Variants in PUM2 observed in about 807,000 individuals in gnomAD.
PUM2 encodes pumilio homolog 2.
Under a neutral mutation model 124.5 loss-of-function variants are expected in PUM2, and 57 were observed. The ratio of observed to expected loss-of-function variants is 0.46; its 90% CI spans 0.37 to 0.57. The LOEUF (loss-of-function observed/expected upper bound fraction) is 0.57. PUM2 is among the 20% of genes least tolerant of loss of function. The pLI, the probability that PUM2 is intolerant of heterozygous loss-of-function variation, is 0.00. For synonymous variants in PUM2, 460 were observed against 446.1 expected, an observed-to-expected ratio of 1.03 and a Z score of -0.39; for missense variants, 1,065 against 1,290.6, an observed-to-expected ratio of 0.83 and a Z score of 2.68.
At chr2:20,350,385 G>GCCC (rs1689098201) in intron 1 of PUM2, 1 of 790,766 alleles carries the variant, frequency 1.3e-6, no homozygotes, top group Non-Finnish European at 1.5e-6. Flanking sequence ...CCGGCGCGGC[G>GCCC]CCCCCTCCCC....
intron 9 of PUM2, among the ~76,000 whole-genome samples, chr2:20,293,711 A>G (rs1674792581): frequency 6.6e-6 from 1 of 152,068 alleles, no homozygotes; most frequent in Non-Finnish European, 1.5e-5. Flanking sequence ...GCTAAAAATA[A>G]AAATAAAATA....
intron 19 of PUM2, 39 bp downstream of exon 19, chr2:20,254,824 G>A: frequency 6.3e-7 from 1 of 1,591,812 alleles, no homozygotes; most frequent in Non-Finnish European, 8.6e-7. Context: ...TCAATGAGTT[G>A]AAAGAATTGA....
chr2:20,345,109 G>A (rs1402144305), intron 1 of PUM2, among the ~76,000 whole-genome samples: 3 of 144,668 alleles, frequency 2.1e-5, no homozygotes, highest in East Asian at 2.0e-4. Context: ...TTTTTGCGGC[G>A]GGGCCGGGGA....
intron 1 of PUM2, among the ~76,000 whole-genome samples, chr2:20,346,824 T>C (rs1264266592): frequency 1.3e-5 from 2 of 152,220 alleles, no homozygotes; most frequent in East Asian, 1.9e-4. Context: ...TACAATTTCA[T>C]AGCCAATTGT....
chr2:20,271,907 C>T lies in PUM2; in HGVS notation c.1957+6676G>A, dbSNP rs145805700. 2.1e-3 allele frequency among the ~76,000 whole-genome samples: 318 copies of T among 152,200 alleles called. 1 individual carries two copies. The highest frequency in any genetic ancestry group is 7.3e-3 in the African/African-American group (303 of 41,502). On this transcript the variant is annotated intron_variant, in intron 13 of 20. Transcript: ENST00000361078. ...GGCATGGTGGCTCACACCTGTAATCCCAGCACTTTGGGAGACCGAGGCAAG... is the reference window on the plus strand; with the variant it reads ...GGCATGGTGGCTCACACCTGTAATCTCAGCACTTTGGGAGACCGAGGCAAG...
chr2:20,312,429 T>C lies in PUM2; in HGVS notation c.161-6A>G, dbSNP rs759043792. 4.1e-5 allele frequency: 66 copies of C among 1,609,860 alleles called. No individual in the cohort carries two copies. The highest frequency in any genetic ancestry group is 5.1e-5 in the Admixed American group (3 of 59,022). ...AGGCTGGGACATTGAATGGTCTGTT[T>C]GGAAGAAAAAACACAATTATATACT... is the stretch of plus-strand genomic sequence containing the variant. On this transcript the variant is annotated splice_region_variant and splice_polypyrimidine_tract_variant and intron_variant, in intron 3 of 20. Coordinates refer to ENST00000361078, the MANE Select transcript of PUM2 (RefSeq NM_015317.5).
At chr2:20,306,940 G>C (rs1006011688) in intron 7 of PUM2, among the ~76,000 whole-genome samples, 1 of 151,846 alleles carries the variant, frequency 6.6e-6, no homozygotes, top group African/African-American at 2.4e-5. Flanking sequence ...TAGGCCAGAC[G>C]CGGTGGCTCA....
At chr2:20,277,542 TA>T (rs949898351) in intron 13 of PUM2, among the ~76,000 whole-genome samples, 2 of 152,172 alleles carry the variant, frequency 1.3e-5, no homozygotes, top group African/African-American at 4.8e-5. Context: ...TGCAATAATG[TA>T]AATCAAAATG....
At chr2:20,313,835 CAAA>C (rs35569645) in intron 3 of PUM2, among the ~76,000 whole-genome samples, 3 of 55,022 alleles carry the variant, frequency 5.5e-5, no homozygotes, top group African/African-American at 1.1e-4. Context: ...GATCCTGTCT[CAAA>C]AAAAAAAAAA....
chr2:20,349,423 T>TG (rs1325825135), intron 1 of PUM2, among the ~76,000 whole-genome samples: 2 of 152,100 alleles, frequency 1.3e-5, no homozygotes, highest in African/African-American at 4.8e-5. Context: ...GCACGGAAAA[T>TG]GCCATCATTT....
intron 2 of PUM2, among the ~76,000 whole-genome samples, chr2:20,323,039 T>A (rs1412237856): frequency 1.3e-5 from 2 of 152,214 alleles, no homozygotes; most frequent in Non-Finnish European, 2.9e-5. Context: ...AGTAGTACTG[T>A]AAACACTCAA....
intron 15 of PUM2, among the ~76,000 whole-genome samples, chr2:20,258,738 G>A (rs1268602257): frequency 4.1e-5 from 6 of 146,134 alleles, no homozygotes; most frequent in Non-Finnish European, 8.9e-5. Context: ...CACAATCTCG[G>A]CTCACTGCAA....
intron 8 of PUM2, 100 bp from the exon 9 acceptor site, chr2:20,294,618 G>A: frequency 7.7e-7 from 1 of 1,306,236 alleles, no homozygotes; most frequent in Non-Finnish European, 1.0e-6. Context: ...GCAGGAAGAA[G>A]ACTTAGAGAA....
Position 20,317,263 on chromosome 2 carries a change from T to C in PUM2, c.160+1274A>G, listed in dbSNP as rs1379937050. ...CCAACACTGTCACTCCTGCATGTTA[T>C]ACTCCTTATACACCAGTTAATTTTC... is the stretch of plus-strand genomic sequence containing the variant. On this transcript the variant is annotated intron_variant, in intron 3 of 20. Transcript: ENST00000361078. 2.0e-5 allele frequency among the ~76,000 whole-genome samples: 3 copies of C among 152,176 alleles called. No homozygotes were observed. In the South Asian group the frequency reaches 6.2e-4, roughly 32 times the overall value.
chr2:20,299,497 G>A (rs1227122933), intron 7 of PUM2, among the ~76,000 whole-genome samples: 22 of 152,010 alleles, frequency 1.4e-4, no homozygotes, highest in African/African-American at 4.8e-4. Flanking sequence ...GTGAAACCCC[G>A]TCTCTGCTAA....
chr2:20,318,458 A>G, intron 3 of PUM2, 79 bp downstream of exon 3: 1 of 1,289,002 alleles, frequency 7.8e-7, no homozygotes, highest in Non-Finnish European at 1.1e-6. Flanking sequence ...TTGGAGACTC[A>G]CTCTAAAAAA....
In PUM2 at chr2:20,263,175, A is replaced by C. The variant is rs779745680; in HGVS notation, c.2225+18T>G. 1.3e-5 allele frequency: 21 copies of C among 1,561,604 alleles called. No individual in the cohort carries two copies. Among genetic ancestry groups the C allele is most frequent in the Middle Eastern group, 3.4e-4 (2 of 5,922 alleles). On this transcript the variant is annotated intron_variant, in intron 14 of 20. Coordinates refer to ENST00000361078, the MANE Select transcript of PUM2 (RefSeq NM_015317.5). The stretch of plus-strand genomic sequence containing the variant: ...TTTTCAAAGCAAAAATGAAGTGAGA[A>C]ATATCATAATCACCTACCTAGAACC...
intron 20 of PUM2, 118 bp from the exon 21 acceptor site, chr2:20,251,834 T>C: frequency 7.9e-7 from 1 of 1,271,240 alleles, no homozygotes. Flanking sequence ...AAAATTTAAA[T>C]CCAAAGAAAG....
intron 7 of PUM2, among the ~76,000 whole-genome samples, chr2:20,305,960 C>A (rs771922138): frequency 5.3e-5 from 8 of 152,154 alleles, no homozygotes; most frequent in Admixed American, 2.6e-4. Flanking sequence ...GTGGCTCACG[C>A]CTGTAATCCC....
Sources: allele counts gnomAD v4.1 joint callset (sites outside exome capture counted in the v4.1 genomes callset), GRCh38; gene constraint gnomAD v4.1.1; transcripts MANE v1.5; gene names NCBI Gene and HGNC (gene_info 2026-07-23, HGNC 2026-07-21).